The following UBASH3B variants were observed in gnomAD, a reference collection of about 807,000 sequenced individuals.
UBASH3B encodes ubiquitin-associated and SH3 domain-containing protein B.
A neutral mutation model predicts 83.4 loss-of-function variants in UBASH3B; 37 were observed. The ratio of observed to expected loss-of-function variants is 0.44; its 90% CI spans 0.34 to 0.58. UBASH3B has a LOEUF of 0.58. UBASH3B is among the 20% of genes least tolerant of loss of function. UBASH3B has a pLI of 0.01. For missense variants in UBASH3B, 657 were observed against 827.2 expected, an observed-to-expected ratio of 0.79 and a Z score of 2.52; for synonymous variants, 304 against 318.3, an observed-to-expected ratio of 0.96 and a Z score of 0.48.
chr11:122,721,024 T>G (rs1465849089), intron 1 of UBASH3B, among the ~76,000 whole-genome samples: 3 of 151,918 alleles, frequency 2.0e-5, no homozygotes, highest in Non-Finnish European at 2.9e-5. Context: ...GGTGGGCAGA[T>G]CACAAGGTCA....
intron 1 of UBASH3B, among the ~76,000 whole-genome samples, chr11:122,688,045 C>G (rs1863830295): frequency 6.6e-6 from 1 of 152,070 alleles, no homozygotes; most frequent in Admixed American, 6.5e-5. Flanking sequence ...GGTGCCCCAG[C>G]CTTGGAGAAA....
Position 122,801,293 on chromosome 11 carries a change from A to G in UBASH3B, c.1556A>G (p.Glu519Gly). 1.2e-6 allele frequency: 2 copies of G among 1,614,206 alleles called. No homozygotes were observed. Among genetic ancestry groups the G allele is most frequent in the Admixed American group, 1.7e-5 (1 of 60,022 alleles). Residue 519 changes from glutamate (E) to glycine (G), a missense_variant, in exon 11 of 14, where the codon GAG becomes GGG. Around this residue, in one of 3 missense-constraint regions of UBASH3B, gnomAD observed 573 missense variants for 739.0 expected, o/e 0.78. Transcript: ENST00000284273. ...TTACCTGCATGGATACCTCCATCAG[A>G]GTTAGCTGCAGCCAACCTGAGTGTT... is the stretch of plus-strand genomic sequence containing the variant. ...STLPAWIPPS[E>G]LAAANLSVDT...
At chr11:122,809,540 C>CCT (rs1242020489) in intron 13 of UBASH3B, among the ~76,000 whole-genome samples, 2 of 148,294 alleles carry the variant, frequency 1.3e-5, no homozygotes, top group African/African-American at 4.9e-5. Context: ...TCTGATGAAT[C>CCT]CTCTTGCAAT....
rs1232756841 is a variant in UBASH3B, at chr11:122,690,187, T to TCCA, written c.161+33977_161+33978insCCA. ...GAAAACATATATATATATATATATA[T>TCCA]ATATATATATATATATATATATCCA... On this transcript the variant is annotated intron_variant, in intron 1 of 13. Transcript: ENST00000284273. 2.7e-3 allele frequency among the ~76,000 whole-genome samples: 60 copies of TCCA among 21,874 alleles called. 2 individuals are homozygous for TCCA. The highest frequency in any genetic ancestry group is 0.029 in the Middle Eastern group (1 of 34). 14.4% of individuals were successfully genotyped at this position (21,874 alleles called of 152,430 possible).
In UBASH3B at chr11:122,799,048, G is replaced by A. The variant is rs1334496794; in HGVS notation, c.1450+14G>A. Reference sequence around the variant, plus strand: ...ATATCTTGAAAGGTAAGACTTGCAGGTTGACAAAAACAAGTAGTCCATCCC... The same window carrying A: ...ATATCTTGAAAGGTAAGACTTGCAGATTGACAAAAACAAGTAGTCCATCCC... On this transcript the variant is annotated intron_variant, in intron 10 of 13. Coordinates refer to ENST00000284273, the MANE Select transcript of UBASH3B (RefSeq NM_032873.5). The A allele has an allele frequency of 1.2e-6, 2 of 1,611,148 alleles. No homozygotes were observed. The highest frequency in any genetic ancestry group is 2.7e-5 in the African/African-American group (2 of 74,838).
chr11:122,721,418 TC>T (rs1049571095), intron 1 of UBASH3B, among the ~76,000 whole-genome samples: 3 of 152,004 alleles, frequency 2.0e-5, no homozygotes, highest in African/African-American at 7.2e-5. Context: ...GACCACTAAA[TC>T]TTTTTTGCTA....
intron 1 of UBASH3B, among the ~76,000 whole-genome samples, chr11:122,661,739 A>G (rs1416103147): frequency 6.6e-6 from 1 of 152,122 alleles, no homozygotes; most frequent in Non-Finnish European, 1.5e-5. Flanking sequence ...CTGGAGGCTT[A>G]GAGGAGTTCA....
At chr11:122,694,945 CT>C (rs1469632225) in intron 1 of UBASH3B, among the ~76,000 whole-genome samples, 1 of 94,186 alleles carries the variant, frequency 1.1e-5, no homozygotes, top group Non-Finnish European at 2.3e-5. Flanking sequence ...TTTTTCTTTT[CT>C]TTTCTTTCTT....
intron 3 of UBASH3B, among the ~76,000 whole-genome samples, chr11:122,778,425 T>C (rs891134113): frequency 2.0e-5 from 3 of 152,072 alleles, no homozygotes; most frequent in Non-Finnish European, 2.9e-5. Flanking sequence ...TCTTCCCAAC[T>C]ATCATGAGGG....
chr11:122,776,363 G>C, intron 2 of UBASH3B, 91 bp downstream of exon 2: 1 of 1,217,464 alleles, frequency 8.2e-7, no homozygotes, highest in Non-Finnish European at 1.1e-6. Flanking sequence ...TTCTCTAATG[G>C]ACCCTTCCAG....
intron 1 of UBASH3B, among the ~76,000 whole-genome samples, chr11:122,752,371 A>G (rs1176750202): frequency 6.6e-6 from 1 of 152,250 alleles, no homozygotes; most frequent in Non-Finnish European, 1.5e-5. Context: ...CCAGGTGGGC[A>G]TTAAGAATGA....
rs1451491302 is a variant in UBASH3B at position 122,813,649 on chromosome 11, G to C, written c.*3763G>C. On this transcript the variant is annotated 3_prime_UTR_variant, in exon 14 of 14. Transcript: ENST00000284273. ...ACTAGTCTAAAAGGCTGCATTGCGG[G>C]GAGAGATGAGACAGGCAGAGGAGGG... The C allele has an allele frequency of 6.6e-6, 1 of 152,192 alleles. No individual in the cohort carries two copies. The highest frequency in any genetic ancestry group is 2.4e-5 in the African/African-American group (1 of 41,450). The allele number at this position is 152,192 out of a possible 1,614,324, so 9.4% of individuals were successfully genotyped here.
At chr11:122,679,180 A>T (rs1209046873) in intron 1 of UBASH3B, among the ~76,000 whole-genome samples, 1 of 150,948 alleles carries the variant, frequency 6.6e-6, no homozygotes, top group African/African-American at 2.4e-5. Flanking sequence ...GGACATGTTG[A>T]GGGTGAAGGG....
intron 10 of UBASH3B, among the ~76,000 whole-genome samples, chr11:122,800,753 G>A (rs1202229564): frequency 3.3e-5 from 5 of 151,862 alleles, no homozygotes; most frequent in Non-Finnish European, 5.9e-5. Flanking sequence ...GACCACAAGT[G>A]CACGCCTCCA....
chr11:122,752,712 C>T (rs1861218277), intron 1 of UBASH3B, among the ~76,000 whole-genome samples: 2 of 152,098 alleles, frequency 1.3e-5, no homozygotes, highest in South Asian at 4.1e-4. Context: ...AGTATGATCC[C>T]AAGGCAGGGA....
In UBASH3B at chr11:122,794,865, A is replaced by G. The variant is rs112854325; in HGVS notation, c.1113+31A>G. ...GCTGATTGCTAGGGTCACACCCCCA[A>G]CTCTAACCAGGATTCACTGAGAACC... On this transcript the variant is annotated intron_variant, in intron 7 of 13. Coordinates refer to ENST00000284273, the MANE Select transcript of UBASH3B (RefSeq NM_032873.5). 17 of 1,611,348 alleles carry G rather than the reference A, an allele frequency of 1.1e-5. 1 individual carries two copies. Among genetic ancestry groups the G allele is most frequent in the African/African-American group, 8.0e-5 (6 of 74,686 alleles).
chr11:122,804,897 C>G lies in UBASH3B; in HGVS notation c.1596-1513C>G, dbSNP rs74563192. 4.8e-3 allele frequency among the ~76,000 whole-genome samples: 732 copies of G among 152,250 alleles called. 3 individuals are homozygous for G. The highest frequency in any genetic ancestry group is 0.017 in the African/African-American group (710 of 41,562). ...AGATAAACATCTTGTGGACCAGAAA[C>G]AACATAGAAACTCTACATAGTTAAG... On this transcript the variant is annotated intron_variant, in intron 11 of 13. Transcript: ENST00000284273.
intron 1 of UBASH3B, among the ~76,000 whole-genome samples, chr11:122,682,058 G>A (rs944785708): frequency 5.3e-5 from 8 of 152,118 alleles, no homozygotes; most frequent in African/African-American, 9.7e-5. Context: ...AGCACCAGTC[G>A]TGAATCATCT....
chr11:122,710,625 A>G (rs1384957747), intron 1 of UBASH3B, among the ~76,000 whole-genome samples: 1 of 152,156 alleles, frequency 6.6e-6, no homozygotes, highest in Non-Finnish European at 1.5e-5. Context: ...ATCATAGCTA[A>G]TGCCGATATA....
Sources: allele counts gnomAD v4.1 joint callset (sites outside exome capture counted in the v4.1 genomes callset), GRCh38; gene constraint gnomAD v4.1.1; regional missense constraint gnomAD v4.1.1; transcripts MANE v1.5; gene names NCBI Gene and HGNC (gene_info 2026-07-23, HGNC 2026-07-21).